Variants in ZNF91 observed in about 807,000 individuals in gnomAD.
ZNF91 encodes zinc finger protein 91 (HPF7, HTF10).
ZNF91 carries 7 observed loss-of-function variants against 12.6 expected under a neutral mutation model. The ratio of observed to expected loss-of-function variants is 0.55; its 90% CI spans 0.31 to 1.04. The LOEUF (loss-of-function observed/expected upper bound fraction) is 1.04. ZNF91 is among the 50% of genes least tolerant of loss of function. The probability of loss-of-function intolerance (pLI) is 0.05; values close to 1 mark genes in which losing one functional copy is unlikely to be tolerated. For synonymous variants in ZNF91, 453 were observed against 462.6 expected (o/e 0.98, Z 0.27); for missense variants, 1,217 against 1,385.4 (o/e 0.88, Z 1.93).
chr19:23,360,169 G>A lies in ZNF91; in HGVS notation c.2810C>T (p.Pro937Leu). The change falls in exon 4 of 4, where the codon CCC (proline) becomes CTC (leucine). Residue 937 changes from proline to leucine, a missense_variant. Physicochemically the swap from Pro to Leu is moderately conservative, Grantham distance 98. Transcript: ENST00000300619. ...TTTGCCACATTCTTCACATTTGTAG[G>A]GTTTCTCTCCAGTGTGCATCCTCTT... Reference protein sequence around the residue: ...THKRMHTGEKPYKCEECGKAF... With the variant: ...THKRMHTGEKLYKCEECGKAF... 6.2e-7 allele frequency: 1 copy of A among 1,613,656 alleles called. No homozygotes were observed. The highest frequency in any genetic ancestry group is 2.2e-5 in the East Asian group (1 of 44,832).
downstream of ZNF91, among the ~76,000 whole-genome samples, chr19:23,353,470 A>G (rs1968415515): frequency 6.6e-6 from 1 of 152,172 alleles, no homozygotes; most frequent in Admixed American, 6.5e-5. Context: ...ATGAAGAGGA[A>G]ACTTCACAGC....
chr19:23,324,550 T>C (rs1967801930), intron 1 of ZNF91: 1 of 151,220 alleles, frequency 6.6e-6, no homozygotes, highest in Non-Finnish European at 1.5e-5. Flanking sequence ...TACATATGTA[T>C]GTATATACGT....
intron 3 of ZNF91, among the ~76,000 whole-genome samples, chr19:23,347,292 G>A (rs1415361427): frequency 6.6e-6 from 1 of 152,112 alleles, no homozygotes. Flanking sequence ...TGGAAAGAAT[G>A]GAGTTTCCTA....
chr19:23,325,302 A>T (rs557349838), intron 1 of ZNF91: 1 of 152,038 alleles, frequency 6.6e-6, no homozygotes, highest in East Asian at 1.9e-4. Flanking sequence ...ACAATTCTTA[A>T]ATCAGTGGAC....
chr19:23,310,513 T>G (rs1400469731), intron 1 of ZNF91: 2 of 152,206 alleles, frequency 1.3e-5, no homozygotes, highest in African/African-American at 4.8e-5. Context: ...CTCATGTATA[T>G]AGAAGCAACA....
intron 2 of ZNF91, 69 bp from the exon 3 acceptor site, chr19:23,373,906 C>A: frequency 9.9e-7 from 1 of 1,014,844 alleles, no homozygotes; most frequent in South Asian, 1.8e-5. Context: ...GTAATGTGCT[C>A]AGTAAAGAGC....
At chr19:23,319,687 C>G (rs1163643703) in intron 1 of ZNF91, among the ~76,000 whole-genome samples, 5 of 152,210 alleles carry the variant, frequency 3.3e-5, no homozygotes, top group African/African-American at 1.2e-4. Context: ...GCTCTTTTGA[C>G]TGAGTCTTGA....
intron 1 of ZNF91, among the ~76,000 whole-genome samples, chr19:23,319,924 G>C (rs992573895): frequency 5.9e-5 from 9 of 152,138 alleles, no homozygotes; most frequent in Non-Finnish European, 1.2e-4. Flanking sequence ...GTAAGATCCT[G>C]GGTGTCCTCT....
At chr19:23,370,190 A>G (rs1969218547) in intron 3 of ZNF91, among the ~76,000 whole-genome samples, 1 of 152,062 alleles carries the variant, frequency 6.6e-6, no homozygotes. Flanking sequence ...CCCTGAAGAC[A>G]TATTTGATAC....
At chr19:23,390,091 C>T (rs754272368) in intron 1 of ZNF91, among the ~76,000 whole-genome samples, 8 of 152,094 alleles carry the variant, frequency 5.3e-5, no homozygotes, top group East Asian at 3.9e-4. Context: ...CTGAGACAGG[C>T]GAATCACCTG....
chr19:23,369,169 G>GC (rs1277106365), intron 3 of ZNF91, among the ~76,000 whole-genome samples: 2 of 152,140 alleles, frequency 1.3e-5, no homozygotes, highest in African/African-American at 2.4e-5. Context: ...AATTACCCAG[G>GC]TGTGGTGACG....
At chr19:23,388,268 T>TA (rs1195014080) in intron 1 of ZNF91, among the ~76,000 whole-genome samples, 1 of 151,466 alleles carries the variant, frequency 6.6e-6, no homozygotes, top group Non-Finnish European at 1.5e-5. Context: ...AAATATATAA[T>TA]AAAAAAATAT....
At chr19:23,305,020 T>C (rs1255937333) in exon 4 of ZNF91, 1 of 152,188 alleles carries the variant, frequency 6.6e-6, no homozygotes, top group Non-Finnish European at 1.5e-5. Context: ...CAGGAACTGT[T>C]TATTTTTGAA....
chr19:23,357,115 T>A (rs1447629874), downstream of ZNF91, among the ~76,000 whole-genome samples: 1 of 152,160 alleles, frequency 6.6e-6, no homozygotes, highest in African/African-American at 2.4e-5. Context: ...TAATCTCAGC[T>A]ACTCAGGAGG....
intron 2 of ZNF91, 83 bp from the exon 3 acceptor site, chr19:23,373,920 T>A (rs969262490): frequency 2.5e-6 from 2 of 791,714 alleles, no homozygotes; most frequent in Non-Finnish European, 3.8e-6. Context: ...AAAGAGCATA[T>A]AATAGAATAT....
At chr19:23,370,500 T>C (rs368271320) in intron 3 of ZNF91, among the ~76,000 whole-genome samples, 2 of 152,168 alleles carry the variant, frequency 1.3e-5, no homozygotes, top group African/African-American at 2.4e-5. Flanking sequence ...GCCTGAAATA[T>C]ACAGTTTTGT....
At chr19:23,385,108 G>A (rs758038802) in intron 1 of ZNF91, 20 of 812,774 alleles carry the variant, frequency 2.5e-5, no homozygotes, top group Middle Eastern at 2.3e-4. Flanking sequence ...CAACCTGTCC[G>A]AACAGTACCC....
intron 3 of ZNF91, among the ~76,000 whole-genome samples, chr19:23,370,664 A>C (rs1969241079): frequency 1.3e-5 from 2 of 152,030 alleles, no homozygotes; most frequent in South Asian, 4.1e-4. Context: ...TCATGCCTGG[A>C]TATTTCTTAC....
At chr19:23,318,140 A>G (rs887792710) in intron 1 of ZNF91, among the ~76,000 whole-genome samples, 1 of 152,146 alleles carries the variant, frequency 6.6e-6, no homozygotes, top group Non-Finnish European at 1.5e-5. Context: ...ATATGAGTCT[A>G]CCCTTCTGTT....
Sources: allele counts gnomAD v4.1 joint callset (sites outside exome capture counted in the v4.1 genomes callset), GRCh38; gene constraint gnomAD v4.1.1; transcripts MANE v1.5; gene names NCBI Gene and HGNC (gene_info 2026-07-23, HGNC 2026-07-21).